RAD51C: variants seen among roughly 807,000 people sequenced by gnomAD.
The protein encoded by RAD51C is DNA repair protein RAD51 homolog 3.
In RAD51C, 42 loss-of-function variants were observed where a neutral mutation model predicts 45.0. That is an observed-to-expected ratio of 0.93 (90% CI 0.73 to 1.21). The LOEUF (loss-of-function observed/expected upper bound fraction) is 1.21. Ranked by LOEUF, RAD51C falls within the 50% of genes most tolerant of loss-of-function variation. The pLI, the probability that RAD51C is intolerant of heterozygous loss-of-function variation, is 0.00. For missense variants in RAD51C, 474 were observed against 452.2 expected (o/e 1.05, Z -0.44); for synonymous variants, 172 against 159.8 (o/e 1.08, Z -0.58).
intron 7 of RAD51C, among the ~76,000 whole-genome samples, chr17:58,725,391 A>G (rs2049082005): frequency 6.6e-6 from 1 of 152,150 alleles, no homozygotes; most frequent in South Asian, 2.1e-4. Flanking sequence ...TCCCAGTTTT[A>G]GGTTATTCTG....
chr17:58,716,352 T>A (rs1225132051), intron 5 of RAD51C, among the ~76,000 whole-genome samples: 1 of 152,120 alleles, frequency 6.6e-6, no homozygotes. Context: ...GTCCAGTAGA[T>A]CTGATGGAAA....
At chr17:58,696,599 T>G in intron 2 of RAD51C, 94 bp from the exon 3 acceptor site, 1 of 1,486,616 alleles carries the variant, frequency 6.7e-7, no homozygotes, top group African/African-American at 1.4e-5. Context: ...TTTATAAAAC[T>G]TTAGTGATAC....
Position 58,702,404 on chromosome 17 carries a change from T to C in RAD51C, c.572-792T>C, listed in dbSNP as rs186904026. On this transcript the variant is annotated intron_variant, in intron 3 of 8. Transcript: ENST00000337432. Reference sequence around the variant, plus strand: ...AGTGGAAAAATGTGAAAATAATAGATCAGGTCGGGTGTGGTGGTTCATGCC... The same window carrying C: ...AGTGGAAAAATGTGAAAATAATAGACCAGGTCGGGTGTGGTGGTTCATGCC... 6.6e-4 allele frequency among the ~76,000 whole-genome samples: 100 copies of C among 152,056 alleles called. 1 individual carries two copies. The highest frequency in any genetic ancestry group is 2.4e-3 in the African/African-American group (99 of 41,506).
At chr17:58,705,349 G>C (rs1011670607) in intron 4 of RAD51C, among the ~76,000 whole-genome samples, 44 of 150,968 alleles carry the variant, frequency 2.9e-4, no homozygotes, top group African/African-American at 1.0e-3. Context: ...TTTTTTGGGG[G>C]GGGGGTGGAG....
chr17:58,721,779 C>T (rs576454018), intron 6 of RAD51C, among the ~76,000 whole-genome samples: 1 of 151,718 alleles, frequency 6.6e-6, no homozygotes, highest in Non-Finnish European at 1.5e-5. Flanking sequence ...AAAAATGTAT[C>T]TGCCCTTGAC....
At chr17:58,717,336 A>G (rs1390965891) in intron 5 of RAD51C, among the ~76,000 whole-genome samples, 2 of 152,200 alleles carry the variant, frequency 1.3e-5, no homozygotes, top group Non-Finnish European at 2.9e-5. Context: ...AAGCTAAGGC[A>G]GGAAGATTGT....
intron 7 of RAD51C, among the ~76,000 whole-genome samples, chr17:58,725,883 T>G: frequency 6.6e-6 from 1 of 151,424 alleles, no homozygotes; most frequent in East Asian, 1.9e-4. Context: ...TCCCAGCTAC[T>G]CAGGAGGCTG....
chr17:58,733,991 C>G, intron 8 of RAD51C, 127 bp from the exon 9 acceptor site: 1 of 1,410,950 alleles, frequency 7.1e-7, no homozygotes. Context: ...GCTGGGATTA[C>G]AGGTGTGAGC....
chr17:58,724,577 T>C (rs2049048586), intron 7 of RAD51C, among the ~76,000 whole-genome samples: 1 of 152,230 alleles, frequency 6.6e-6, no homozygotes, highest in South Asian at 2.1e-4. Flanking sequence ...TTTTTTTTTA[T>C]TTTGTATTTT....
intron 3 of RAD51C, among the ~76,000 whole-genome samples, chr17:58,702,326 A>G (rs1436898824): frequency 6.6e-6 from 1 of 152,174 alleles, no homozygotes. Flanking sequence ...GCATTAAAAC[A>G]CTAGTTGTAT....
intron 4 of RAD51C, among the ~76,000 whole-genome samples, chr17:58,704,756 A>G (rs1447865873): frequency 1.3e-5 from 2 of 152,118 alleles, no homozygotes. Context: ...TCTTGAACAC[A>G]TATCGCCCTT....
In RAD51C at chr17:58,695,360, C is replaced by G. The variant is rs1419776112; in HGVS notation, c.404+171C>G. ...TATTTGTGTTACTTCATTATCCCTT[C>G]TTGATAAATGTATGCAATTATTCTG... On this transcript the variant is annotated intron_variant, in intron 2 of 8. Coordinates refer to ENST00000337432, the MANE Select transcript of RAD51C (RefSeq NM_058216.3). 6 of 1,379,024 alleles carry G rather than the reference C, an allele frequency of 4.4e-6. 1 individual carries two copies. The highest frequency in any genetic ancestry group is 5.1e-5 in the East Asian group (2 of 38,942). 85.4% of individuals were successfully genotyped at this position (1,379,024 alleles called of 1,614,324 possible). A position where few individuals can be genotyped will look rare whatever the true frequency, so the allele number is the denominator to read the frequency against.
intron 6 of RAD51C, among the ~76,000 whole-genome samples, chr17:58,721,276 T>C (rs2048909364): frequency 6.6e-6 from 1 of 151,596 alleles, no homozygotes; most frequent in African/African-American, 2.4e-5. Flanking sequence ...AGTAAGACTC[T>C]CTCAAAAAAT....
rs1060502588 is a variant in RAD51C, at chr17:58,703,316, C to T, written c.692C>T (p.Ser231Leu). The change falls in exon 4 of 9, where the codon TCA becomes TTA. Residue 231 changes from serine to leucine, a missense_variant. Ser to Leu is a moderately radical substitution (Grantham distance 145). Transcript: ENST00000337432. ...GTTTATCTTCTTCCAGATTTCCTTT[C>T]AGAACACTCAAAGGTATGAGTCAGA... Reference protein sequence around the residue: ...AQVYLLPDFLSEHSKVRLVIV... With the variant: ...AQVYLLPDFLLEHSKVRLVIV... The T allele has an allele frequency of 9.9e-6, 16 of 1,612,062 alleles. No individual in the cohort carries two copies. Among genetic ancestry groups the T allele is most frequent in the Non-Finnish European group, 1.4e-5 (16 of 1,178,476 alleles).
At chr17:58,718,481 A>G (rs192462481) in intron 5 of RAD51C, among the ~76,000 whole-genome samples, 15 of 152,320 alleles carry the variant, frequency 9.8e-5, no homozygotes, top group Admixed American at 9.8e-4. Context: ...TGGAAAGATA[A>G]CAGATCTGAC....
intron 4 of RAD51C, among the ~76,000 whole-genome samples, chr17:58,707,717 G>C (rs1052041828): frequency 2.0e-5 from 3 of 152,058 alleles, no homozygotes; most frequent in Middle Eastern, 6.8e-3. Flanking sequence ...ATTTGTTGTG[G>C]TCACCTCAGG....
chr17:58,732,484 G>T lies in RAD51C; in HGVS notation c.966G>T (p.Arg322Ser), dbSNP rs1567817289. Reference protein sequence around the residue: ...RLIFHWDRKQRLATLYKSPSQ... With the variant: ...RLIFHWDRKQSLATLYKSPSQ... ...GTATTTATTCTTTTTCTTTAAGCAG[G>T]TTGGCAACATTGTACAAGTCACCCA... The change falls in exon 8 of 9, where the codon AGG becomes AGT. Residue 322 changes from arginine (R) to serine (S), a missense_variant and splice_region_variant. Transcript: ENST00000337432. 6.2e-7 allele frequency: 1 copy of T among 1,612,028 alleles called. No homozygotes were observed. The highest frequency in any genetic ancestry group is 8.5e-7 in the Non-Finnish European group (1 of 1,178,398).
intron 4 of RAD51C, among the ~76,000 whole-genome samples, chr17:58,707,629 A>C (rs2048419385): frequency 6.6e-6 from 1 of 152,004 alleles, no homozygotes; most frequent in Non-Finnish European, 1.5e-5. Context: ...AATCACTTCC[A>C]CATTTTAGGT....
chr17:58,721,949 A>G (rs769552421), intron 6 of RAD51C, among the ~76,000 whole-genome samples: 8 of 152,096 alleles, frequency 5.3e-5, no homozygotes, highest in Non-Finnish European at 1.2e-4. Context: ...ATAGTCTGTC[A>G]TGTTTCTTCC....
Sources: allele counts gnomAD v4.1 joint callset (sites outside exome capture counted in the v4.1 genomes callset), GRCh38; gene constraint gnomAD v4.1.1; transcripts MANE v1.5; gene names NCBI Gene and HGNC (gene_info 2026-07-23, HGNC 2026-07-21).